GCC2: variants seen among roughly 807,000 people sequenced by gnomAD.
The protein encoded by GCC2 is GRIP and coiled-coil domain-containing protein 2.
Under a neutral mutation model 210.6 loss-of-function variants are expected in GCC2, and 120 were observed. The observed-to-expected ratio is 0.57, with a 90% CI of 0.49 to 0.66. GCC2 has a LOEUF of 0.66. GCC2 is among the 30% of genes least tolerant of loss of function. The pLI, the probability that GCC2 is intolerant of heterozygous loss-of-function variation, is 0.00. For synonymous variants in GCC2, 703 were observed against 652.7 expected (o/e 1.08, Z -1.17); for missense variants, 1,868 against 1,871.9 (o/e 1.00, Z 0.04).
chr2:108,479,980 C>CAAAAAAA (rs200934785), intron 9 of GCC2, among the ~76,000 whole-genome samples: 38 of 114,512 alleles, frequency 3.3e-4, no homozygotes, highest in Non-Finnish European at 4.2e-4. Flanking sequence ...GACTCCATCT[C>CAAAAAAA]AAAAAAAAAA....
At chr2:108,453,161 C>G (rs1039931786) in intron 4 of GCC2, among the ~76,000 whole-genome samples, 1 of 152,200 alleles carries the variant, frequency 6.6e-6, no homozygotes, top group Non-Finnish European at 1.5e-5. Flanking sequence ...GTGTTTCCCT[C>G]TCACACATTT....
intron 10 of GCC2, 137 bp from the exon 11 acceptor site, chr2:108,482,150 T>C (rs1374711465): frequency 3.4e-6 from 2 of 594,730 alleles, no homozygotes; most frequent in African/African-American, 1.9e-5. Context: ...ATTCTTAATA[T>C]TATCGTTCTG....
chr2:108,478,678 A>G (rs1460523229), intron 9 of GCC2, among the ~76,000 whole-genome samples: 1 of 152,192 alleles, frequency 6.6e-6, no homozygotes, highest in Non-Finnish European at 1.5e-5. Flanking sequence ...GAATTTCCCA[A>G]AGGGAGCCAT....
At chr2:108,476,612 A>T (rs1015884339) in intron 9 of GCC2, among the ~76,000 whole-genome samples, 3 of 152,234 alleles carry the variant, frequency 2.0e-5, no homozygotes, top group Non-Finnish European at 4.4e-5. Flanking sequence ...CCTTAGTAAC[A>T]TGAAAATGTA....
At chr2:108,502,923 CAAAAAAA>C (rs34464118) in intron 22 of GCC2, among the ~76,000 whole-genome samples, 2 of 116,158 alleles carry the variant, frequency 1.7e-5, no homozygotes, top group East Asian at 4.8e-4. Context: ...AACCCTGTCT[CAAAAAAA>C]AAAAAAAAAG....
intron 2 of GCC2, chr2:108,449,994 G>A (rs1476970689): frequency 1.3e-5 from 4 of 312,140 alleles, no homozygotes; most frequent in African/African-American, 2.2e-5. Context: ...AGTGACATAG[G>A]GTAGGAATCA....
chr2:108,498,859 G>A (rs1053327143), intron 21 of GCC2, among the ~76,000 whole-genome samples: 2 of 151,492 alleles, frequency 1.3e-5, no homozygotes, highest in East Asian at 1.9e-4. Context: ...AGTGGAGGCT[G>A]CCGATGTTCC....
At chr2:108,487,620 C>A in intron 16 of GCC2, 79 bp from the exon 17 acceptor site, 1 of 1,336,626 alleles carries the variant, frequency 7.5e-7, no homozygotes, top group African/African-American at 1.5e-5. Flanking sequence ...AGGTTTTTAT[C>A]TCAATTTGTT....
chr2:108,498,669 G>C (rs1253107111), intron 21 of GCC2, among the ~76,000 whole-genome samples: 2 of 152,154 alleles, frequency 1.3e-5, no homozygotes, highest in African/African-American at 2.4e-5. Flanking sequence ...CTTCCTCAAA[G>C]ACTTGAACAT....
Position 108,484,263 on chromosome 2 carries a change from G to C in GCC2, c.3565G>C (p.Glu1189Gln). 6.4e-7 allele frequency: 1 copy of C among 1,555,868 alleles called. No individual in the cohort carries two copies. Among genetic ancestry groups the C allele is most frequent in the South Asian group, 1.2e-5 (1 of 83,382 alleles). Residue 1189 changes from glutamate to glutamine, a missense_variant, in exon 13 of 23, where the codon GAA becomes CAA. By Grantham distance (29) the Glu-to-Gln change is conservative (BLOSUM62 2). Around this residue, in one of 3 missense-constraint regions of GCC2, gnomAD observed 1,847 missense variants for 1,765.2 expected, o/e 1.05. Coordinates refer to ENST00000309863, the MANE Select transcript of GCC2 (RefSeq NM_181453.4). Reference sequence around the variant, plus strand: ...CAACAAGATAGAAGATTTGGAGCAAGAAATAAAAATTCAAAAACAGAAACA... The same window carrying C: ...CAACAAGATAGAAGATTTGGAGCAACAAATAAAAATTCAAAAACAGAAACA... ...KNNKIEDLEQ[E>Q]IKIQKQKQET...
chr2:108,486,763 C>A, intron 16 of GCC2, 115 bp downstream of exon 16: 1 of 876,050 alleles, frequency 1.1e-6, no homozygotes, highest in Non-Finnish European at 1.7e-6. Context: ...AGAGCACTTA[C>A]TAGATTAAGA....
chr2:108,453,798 A>C (rs992617391), intron 4 of GCC2, among the ~76,000 whole-genome samples: 75 of 151,810 alleles, frequency 4.9e-4, no homozygotes, highest in African/African-American at 1.5e-3. Context: ...AAAAAAAAAA[A>C]AAAACACAAA....
Position 108,495,488 on chromosome 2 carries a change from A to G in GCC2, c.4642+3A>G. 2 of 1,560,988 alleles carry G rather than the reference A, an allele frequency of 1.3e-6. No homozygotes were observed. Among genetic ancestry groups the G allele is most frequent in the Non-Finnish European group, 1.7e-6 (2 of 1,148,948 alleles). On this transcript the variant is annotated splice_donor_region_variant and intron_variant, in intron 20 of 22. Transcript: ENST00000309863. Reference sequence around the variant, plus strand: ...TAACTCTCCCGAAACTAAACTTGGTATGTTACTCTGTCTAAATATGTTTTT... The same window carrying G: ...TAACTCTCCCGAAACTAAACTTGGTGTGTTACTCTGTCTAAATATGTTTTT...
intron 9 of GCC2, among the ~76,000 whole-genome samples, chr2:108,480,737 CTG>C (rs1276810088): frequency 1.5e-5 from 2 of 129,606 alleles, no homozygotes; most frequent in Non-Finnish European, 3.3e-5. Context: ...ACAACAGACA[CTG>C]GGGCCTAACA....
intron 3 of GCC2, among the ~76,000 whole-genome samples, chr2:108,451,827 TTCTC>T (rs906608032): frequency 7.4e-5 from 11 of 149,642 alleles, no homozygotes; most frequent in East Asian, 2.0e-4. Context: ...AACGTTTCTT[TTCTC>T]TCTCTCTCTC....
At chr2:108,461,915 C>T (rs1447810438) in intron 4 of GCC2, among the ~76,000 whole-genome samples, 1 of 142,626 alleles carries the variant, frequency 7.0e-6, no homozygotes, top group Non-Finnish European at 1.5e-5. Flanking sequence ...TCACTGCAAG[C>T]TCCGCCTCCC....
At chr2:108,455,734 C>G (rs1680242761) in intron 4 of GCC2, among the ~76,000 whole-genome samples, 1 of 152,160 alleles carries the variant, frequency 6.6e-6, no homozygotes, top group African/African-American at 2.4e-5. Flanking sequence ...CATCCATATT[C>G]CTGGAAATGG....
chr2:108,456,852 G>T (rs1680302729), intron 4 of GCC2, among the ~76,000 whole-genome samples: 1 of 151,284 alleles, frequency 6.6e-6, no homozygotes, highest in Admixed American at 6.6e-5. Context: ...GGGATGCTGA[G>T]ATAGGAAGAT....
At chr2:108,503,321 A>G (rs1683020688) in intron 22 of GCC2, among the ~76,000 whole-genome samples, 1 of 152,212 alleles carries the variant, frequency 6.6e-6, no homozygotes, top group South Asian at 2.1e-4. Context: ...CTCATGTACT[A>G]AAAGAAATAA....
Sources: gnomAD v4.1 joint callset for allele counts (sites outside exome capture counted in the v4.1 genomes callset) on GRCh38, gnomAD v4.1.1 for gene constraint, gnomAD v4.1.1 regional missense constraint, MANE v1.5 for transcripts, NCBI Gene and HGNC (gene_info 2026-07-23, HGNC 2026-07-21) for gene names.